The following ZSWIM7 variants were observed in gnomAD, a reference collection of about 807,000 sequenced individuals.
ZSWIM7 encodes the protein zinc finger SWIM-type containing 7.
In ZSWIM7, 22 loss-of-function variants were observed where a neutral mutation model predicts 21.1. The ratio of observed to expected loss-of-function variants is 1.04; its 90% CI spans 0.74 to 1.49. The LOEUF is 1.49. Among genes scored for constraint, ZSWIM7 ranks in the 40% most tolerant of loss-of-function variants. The pLI is 0.00. For synonymous variants in ZSWIM7, 67 were observed against 66.5 expected (o/e 1.01, Z -0.04); for missense variants, 193 against 168.0 (o/e 1.15, Z -0.82).
At chr17:15,995,575 T>TAA (rs550832963) in intron 1 of ZSWIM7, among the ~76,000 whole-genome samples, 1,440 of 100,174 alleles carry the variant, frequency 0.014, 41 homozygotes, top group African/African-American at 0.054. Context: ...CCCTGTCTCT[T>TAA]AAAAAAAAAA....
At chr17:15,979,655 CTGGGCGGAGGA>C (rs1970326199) in intron 4 of ZSWIM7, among the ~76,000 whole-genome samples, 1 of 104,988 alleles carries the variant, frequency 9.5e-6, no homozygotes. Context: ...GGGCGGCTGG[CTGGGCGGAGGA>C]CTGACCCCCC....
At chr17:15,983,956 C>G (rs901325549) in intron 3 of ZSWIM7, among the ~76,000 whole-genome samples, 1 of 152,048 alleles carries the variant, frequency 6.6e-6, no homozygotes, top group African/African-American at 2.4e-5. Context: ...TTAGTTATCT[C>G]GTCTCTTCTC....
intron 2 of ZSWIM7, among the ~76,000 whole-genome samples, chr17:15,991,910 T>G (rs965313859): frequency 2.1e-5 from 2 of 97,416 alleles, no homozygotes; most frequent in Non-Finnish European, 4.2e-5. Flanking sequence ...TTTTGTTTTT[T>G]TTTGTTTGTT....
Position 15,987,357 on chromosome 17 carries a change from A to T in ZSWIM7, c.110T>A (p.Leu37His). Reference protein sequence around the residue: ...PDEYLLSLKFLFGSSATQALD... With the variant: ...PDEYLLSLKFHFGSSATQALD... ...GGCCTGGGTGGCTGATGAGCCAAAG[A>T]GAAACTTCAGCCTGTGAAATAAAAA... The change falls in exon 3 of 5, where the codon CTC (leucine) becomes CAC (histidine). Residue 37 changes from leucine (L) to histidine (H), a missense_variant. Transcript: ENST00000399277. 6.2e-7 allele frequency: 1 copy of T among 1,613,252 alleles called. No homozygotes were observed. The highest frequency in any genetic ancestry group is 8.5e-7 in the Non-Finnish European group (1 of 1,179,642).
chr17:15,978,113 C>A lies in ZSWIM7; in HGVS notation c.357G>T (p.Gln119His). The A allele has an allele frequency of 6.2e-7, 1 of 1,614,144 alleles. No homozygotes were observed. Among genetic ancestry groups the A allele is most frequent in the Admixed American group, 1.7e-5 (1 of 60,020 alleles). The part of the protein sequence containing the change: ...VYLSQVMRTC[Q>H]QLSVSDKQLT... Reference sequence around the variant, plus strand: ...ACTGCTTGTCAGAGACACTTAGCTGCTGACAGGTCCTCATAACCTGACTCA... The same window carrying A: ...ACTGCTTGTCAGAGACACTTAGCTGATGACAGGTCCTCATAACCTGACTCA... Residue 119 changes from glutamine (Q) to histidine (H), a missense_variant, in exon 5 of 5, where the codon CAG becomes CAT. Transcript: ENST00000399277.
intron 1 of ZSWIM7, among the ~76,000 whole-genome samples, chr17:15,996,520 C>T (rs991121295): frequency 6.6e-6 from 1 of 151,932 alleles, no homozygotes; most frequent in Non-Finnish European, 1.5e-5. Flanking sequence ...GGTGTGATTG[C>T]GCAACTGTAC....
chr17:15,984,995 T>A (rs909000476), intron 3 of ZSWIM7, among the ~76,000 whole-genome samples: 1 of 152,070 alleles, frequency 6.6e-6, no homozygotes, highest in Non-Finnish European at 1.5e-5. Context: ...ATCCTCCTTA[T>A]TAAGTGAATC....
chr17:15,991,935 T>G (rs1396916058), intron 2 of ZSWIM7, among the ~76,000 whole-genome samples: 2 of 148,682 alleles, frequency 1.3e-5, no homozygotes, highest in Non-Finnish European at 3.0e-5. Context: ...TTTGTTTTGT[T>G]TTTTTTTTGA....
intron 3 of ZSWIM7, among the ~76,000 whole-genome samples, chr17:15,984,449 G>A (rs1409235062): frequency 6.6e-6 from 1 of 152,220 alleles, no homozygotes; most frequent in Non-Finnish European, 1.5e-5. Context: ...ATGCTGGAAA[G>A]AGGATACTCA....
intron 2 of ZSWIM7, among the ~76,000 whole-genome samples, chr17:15,992,283 C>G (rs1171858866): frequency 6.6e-6 from 1 of 152,044 alleles, no homozygotes; most frequent in Non-Finnish European, 1.5e-5. Context: ...ACCTAGGTAG[C>G]TTTTACTTTT....
chr17:15,995,263 C>T (rs1049711620), intron 1 of ZSWIM7, among the ~76,000 whole-genome samples: 2 of 151,482 alleles, frequency 1.3e-5, no homozygotes, highest in African/African-American at 2.4e-5. Context: ...AGTAAGACCC[C>T]GTCTCTCTTT....
chr17:15,978,955 T>G (rs1970311464), intron 4 of ZSWIM7, among the ~76,000 whole-genome samples: 1 of 151,750 alleles, frequency 6.6e-6, no homozygotes, highest in African/African-American at 2.4e-5. Flanking sequence ...CTCTTTTTTT[T>G]TTTTTTAATT....
At chr17:15,995,419 C>A (rs1019730884) in intron 1 of ZSWIM7, among the ~76,000 whole-genome samples, 1 of 151,226 alleles carries the variant, frequency 6.6e-6, no homozygotes, top group Non-Finnish European at 1.5e-5. Flanking sequence ...AGGCATGCAC[C>A]ACCACGCCCA....
At chr17:15,983,312 T>C (rs745426205) in intron 3 of ZSWIM7, among the ~76,000 whole-genome samples, 72 of 118,358 alleles carry the variant, frequency 6.1e-4, no homozygotes, top group Non-Finnish European at 6.9e-4. Flanking sequence ...ATCACTGTAC[T>C]CCAGCCTGGG....
At chr17:15,979,789 G>T (rs1279486422) in intron 4 of ZSWIM7, among the ~76,000 whole-genome samples, 1 of 115,160 alleles carries the variant, frequency 8.7e-6, no homozygotes, top group African/African-American at 3.5e-5. Flanking sequence ...CTGGCCGGGC[G>T]GGGGGCTGAC....
At chr17:15,995,128 G>A (rs1970532858) in intron 1 of ZSWIM7, among the ~76,000 whole-genome samples, 1 of 152,006 alleles carries the variant, frequency 6.6e-6, no homozygotes, top group African/African-American at 2.4e-5. Context: ...GAAGAAAAAG[G>A]GAATCTTCTG....
chr17:15,991,648 T>A (rs563882034), intron 2 of ZSWIM7, among the ~76,000 whole-genome samples: 96 of 152,338 alleles, frequency 6.3e-4, no homozygotes, highest in African/African-American at 2.2e-3. Flanking sequence ...TTTAAAGTAG[T>A]ACATTTTTTT....
intron 3 of ZSWIM7, among the ~76,000 whole-genome samples, chr17:15,982,541 G>C (rs140099338): frequency 1.6e-4 from 25 of 152,212 alleles, no homozygotes; most frequent in Non-Finnish European, 2.8e-4. Context: ...AAAGCTACAG[G>C]TATGGTTTGA....
At chr17:15,978,349 G>A (rs1207366750) in intron 4 of ZSWIM7, among the ~76,000 whole-genome samples, 186 bp from the exon 5 acceptor site, 3 of 152,174 alleles carry the variant, frequency 2.0e-5, no homozygotes, top group African/African-American at 7.2e-5. Flanking sequence ...TGTCATCCCA[G>A]CACTTTGGGA....
Sources: allele counts gnomAD v4.1 joint callset (sites outside exome capture counted in the v4.1 genomes callset), GRCh38; gene constraint gnomAD v4.1.1; transcripts MANE v1.5; gene names NCBI Gene and HGNC (gene_info 2026-07-23, HGNC 2026-07-21).